The following PDE11A variants were observed in gnomAD, a reference collection of about 807,000 sequenced individuals.
PDE11A encodes phosphodiesterase 11A, also known as dual 3',5'-cyclic-AMP and -GMP phosphodiesterase 11A.
PDE11A carries 100 observed loss-of-function variants against 100.5 expected under a neutral mutation model. The ratio of observed to expected loss-of-function variants is 1.00; its 90% CI spans 0.85 to 1.18. The LOEUF is 1.18. PDE11A is among the 50% of genes most tolerant of loss of function. PDE11A has a pLI of 0.00. For synonymous variants in PDE11A, 381 were observed against 420.8 expected, an observed-to-expected ratio of 0.91 and a Z score of 1.16; for missense variants, 1,141 against 1,152.6, an observed-to-expected ratio of 0.99 and a Z score of 0.15.
At chr2:178,063,070 A>T (rs1233165784) in intron 1 of PDE11A, among the ~76,000 whole-genome samples, 1 of 152,228 alleles carries the variant, frequency 6.6e-6, no homozygotes, top group Non-Finnish European at 1.5e-5. Flanking sequence ...TGACAACAAA[A>T]CTACAAATCA....
intron 12 of PDE11A, among the ~76,000 whole-genome samples, chr2:177,713,728 A>G (rs1406498574): frequency 2.0e-5 from 3 of 152,068 alleles, no homozygotes; most frequent in Admixed American, 2.0e-4. Flanking sequence ...CATCTCAAAC[A>G]AACAAACAAA....
chr2:177,736,446 C>T (rs1975323), intron 10 of PDE11A, among the ~76,000 whole-genome samples: 102,647 of 151,612 alleles, frequency 0.68, 37,495 homozygotes, highest in East Asian at 0.86. Context: ...ATTGCTTAAA[C>T]CCAGGAGGTG....
chr2:178,050,904 G>A (rs2086817414), intron 1 of PDE11A, among the ~76,000 whole-genome samples: 1 of 152,346 alleles, frequency 6.6e-6, no homozygotes, highest in East Asian at 1.9e-4. Context: ...AAGTGACGGG[G>A]AGAATGGAAC....
intron 6 of PDE11A, among the ~76,000 whole-genome samples, chr2:177,829,069 C>A (rs1449477912): frequency 6.6e-6 from 1 of 151,656 alleles, no homozygotes; most frequent in Non-Finnish European, 1.5e-5. Context: ...AGCAATTGGA[C>A]TTCCTGATGA....
chr2:177,654,994 G>A (rs1010774340), intron 19 of PDE11A, among the ~76,000 whole-genome samples: 9 of 152,114 alleles, frequency 5.9e-5, no homozygotes, highest in African/African-American at 2.2e-4. Flanking sequence ...GTAAGGACTT[G>A]GGGTTAAGAC....
At chr2:177,818,871 C>A (rs1461741859) in intron 7 of PDE11A, among the ~76,000 whole-genome samples, 4 of 151,532 alleles carry the variant, frequency 2.6e-5, no homozygotes, top group African/African-American at 7.3e-5. Context: ...AAAAAAAAAA[C>A]CAGCTGTAAT....
intron 2 of PDE11A, among the ~76,000 whole-genome samples, chr2:177,947,637 C>T (rs1383065687): frequency 5.3e-5 from 8 of 151,616 alleles, no homozygotes; most frequent in Non-Finnish European, 1.0e-4. Flanking sequence ...TGCGGAAGGC[C>T]GCAGGGTCCT....
intron 2 of PDE11A, among the ~76,000 whole-genome samples, chr2:177,909,431 G>T (rs1309159333): frequency 6.6e-6 from 1 of 152,098 alleles, no homozygotes; most frequent in African/African-American, 2.4e-5. Context: ...CAGGCCCTGG[G>T]TTAATATGCA....
intron 6 of PDE11A, among the ~76,000 whole-genome samples, chr2:177,822,755 C>A (rs1048770100): frequency 1.3e-5 from 2 of 152,028 alleles, no homozygotes; most frequent in Non-Finnish European, 2.9e-5. Flanking sequence ...CTTAAAATTT[C>A]TCTTAGCAAA....
chr2:177,785,867 T>C (rs1229513418), intron 9 of PDE11A, among the ~76,000 whole-genome samples: 2 of 152,096 alleles, frequency 1.3e-5, no homozygotes, highest in Admixed American at 1.3e-4. Flanking sequence ...CTTGCTTAGG[T>C]AAACAAAGCA....
intron 2 of PDE11A, among the ~76,000 whole-genome samples, chr2:177,962,394 T>C (rs1004914787): frequency 6.6e-6 from 1 of 152,062 alleles, no homozygotes; most frequent in Non-Finnish European, 1.5e-5. Context: ...AAAATGAAAA[T>C]ACTCAAACTT....
At chr2:177,996,025 G>A (rs1243244311) in intron 2 of PDE11A, among the ~76,000 whole-genome samples, 1 of 152,136 alleles carries the variant, frequency 6.6e-6, no homozygotes, top group African/African-American at 2.4e-5. Flanking sequence ...TTAGGAGTTC[G>A]AGACCAGCCT....
intron 2 of PDE11A, among the ~76,000 whole-genome samples, chr2:178,087,830 G>A (rs918459364): frequency 1.3e-5 from 2 of 152,140 alleles, no homozygotes; most frequent in African/African-American, 4.8e-5. Flanking sequence ...AGGGAGGAAG[G>A]ATATGGAGGA....
rs191030370 is a variant in PDE11A, at chr2:178,030,919, A to G, written c.913-16459T>C. On this transcript the variant is annotated intron_variant, in intron 1 of 19. Coordinates refer to ENST00000286063, the MANE Select transcript of PDE11A (RefSeq NM_016953.4). ...CTTGCTTATGAATGGATATAGATGC[A>G]AAAACCCTAAAAACCAAAATTTTTG... Among the ~76,000 whole-genome samples, 338 of 152,254 alleles carry G rather than the reference A, an allele frequency of 2.2e-3. 1 individual carries two copies. The highest frequency in any genetic ancestry group is 3.7e-3 in the Non-Finnish European group (255 of 68,004).
chr2:177,671,478 A>G (rs916926060), intron 17 of PDE11A, among the ~76,000 whole-genome samples: 1 of 152,150 alleles, frequency 6.6e-6, no homozygotes, highest in African/African-American at 2.4e-5. Context: ...ACATTCTGAA[A>G]GGGAATTTTA....
At chr2:178,056,381 T>C (rs2086899504) in intron 1 of PDE11A, among the ~76,000 whole-genome samples, 1 of 152,204 alleles carries the variant, frequency 6.6e-6, no homozygotes, top group Non-Finnish European at 1.5e-5. Flanking sequence ...TTGCTGCTGC[T>C]AAAAGTTCCT....
Position 177,659,806 on chromosome 2 carries a change from G to A in PDE11A, c.2646+4060C>T, listed in dbSNP as rs545185663. 5.9e-5 allele frequency among the ~76,000 whole-genome samples: 9 copies of A among 151,702 alleles called. No homozygotes were observed. The East Asian group carries it at 1.6e-3, about 26-fold the overall frequency. ...TTTTTTTTTTTCCCCCTCCAAAGAC[G>A]TTGAGCAGCAGGGCTAATGGATCCC... On this transcript the variant is annotated intron_variant, in intron 19 of 19. Transcript: ENST00000286063.
chr2:177,798,765 G>A (rs1317073357), intron 9 of PDE11A, among the ~76,000 whole-genome samples: 1 of 145,838 alleles, frequency 6.9e-6, no homozygotes, highest in Non-Finnish European at 1.5e-5. Context: ...CATAAACAGA[G>A]AGAAGAGACA....
At chr2:177,962,221 A>G (rs945741853) in intron 2 of PDE11A, among the ~76,000 whole-genome samples, 3 of 152,092 alleles carry the variant, frequency 2.0e-5, no homozygotes, top group Non-Finnish European at 4.4e-5. Context: ...CCCTGAATAT[A>G]CCATAACTTC....
Sources: gnomAD v4.1 joint callset for allele counts (sites outside exome capture counted in the v4.1 genomes callset) on GRCh38, gnomAD v4.1.1 for gene constraint, MANE v1.5 for transcripts, NCBI Gene and HGNC (gene_info 2026-07-23, HGNC 2026-07-21) for gene names.